The following CCNJL variants were observed in gnomAD, a reference collection of about 807,000 sequenced individuals.
CCNJL encodes cyclin-J-like protein.
Under a neutral mutation model 33.4 loss-of-function variants are expected in CCNJL, and 33 were observed. That is an observed-to-expected ratio of 0.99 (90% CI 0.75 to 1.32). The LOEUF (loss-of-function observed/expected upper bound fraction) is 1.32, where lower values mean the gene tolerates loss of function less well. Among genes scored for constraint, CCNJL ranks in the 40% most tolerant of loss-of-function variants. CCNJL has a pLI of 0.00. For synonymous variants in CCNJL, 227 were observed against 220.9 expected (o/e 1.03, Z -0.24); for missense variants, 512 against 499.7 (o/e 1.02, Z -0.23).
At chr5:160,317,642 G>A (rs187660691), upstream of CCNJL, among the ~76,000 whole-genome samples, 2 of 152,190 alleles carry the variant, frequency 1.3e-5, no homozygotes, top group Non-Finnish European at 2.9e-5. Flanking sequence ...GGCATGGGGT[G>A]GGGGGAGTAC....
At chr5:160,270,662 G>A (rs1761800104) in intron 3 of CCNJL, among the ~76,000 whole-genome samples, 2 of 152,186 alleles carry the variant, frequency 1.3e-5, no homozygotes, top group Non-Finnish European at 2.9e-5. Flanking sequence ...TCCACCCGCA[G>A]GTTCCGATTA....
chr5:160,312,107 C>G, intron 1 of CCNJL, 135 bp from the exon 2 acceptor site: 1 of 613,288 alleles, frequency 1.6e-6, no homozygotes, highest in Non-Finnish European at 2.9e-6. Context: ...AGCTGGAGGT[C>G]GCCTCTGGTC....
At chr5:160,329,501 C>A (rs1273099254) in intron 1 of CCNJL, among the ~76,000 whole-genome samples, 6 of 152,046 alleles carry the variant, frequency 3.9e-5, no homozygotes, top group African/African-American at 1.4e-4. Flanking sequence ...CAGGCGCCCA[C>A]CACCACGCCG....
chr5:160,271,931 G>A (rs1456729594), intron 3 of CCNJL, among the ~76,000 whole-genome samples: 1 of 152,216 alleles, frequency 6.6e-6, no homozygotes, highest in Non-Finnish European at 1.5e-5. Context: ...CTGCAAGGGC[G>A]CTGCCACGTT....
intron 2 of CCNJL, among the ~76,000 whole-genome samples, chr5:160,303,935 C>A (rs940951186): frequency 1.8e-5 from 2 of 110,662 alleles, no homozygotes; most frequent in African/African-American, 8.7e-5. Context: ...TCCTCCACTC[C>A]CTTAGCACAG....
chr5:160,322,922 T>TA (rs145043767), intron 1 of CCNJL, among the ~76,000 whole-genome samples: 98 of 128,248 alleles, frequency 7.6e-4, no homozygotes, highest in African/African-American at 1.2e-3. Flanking sequence ...CAAAAAAAAT[T>TA]AAAAAAAAAA....
At chr5:160,285,841 G>T (rs1762385034) in intron 2 of CCNJL, among the ~76,000 whole-genome samples, 1 of 152,234 alleles carries the variant, frequency 6.6e-6, no homozygotes, top group Admixed American at 6.5e-5. Context: ...GGCCTGGTCT[G>T]AGCAGCCTTG....
At chr5:160,276,073 A>C (rs1310246641) in intron 3 of CCNJL, among the ~76,000 whole-genome samples, 1 of 152,212 alleles carries the variant, frequency 6.6e-6, no homozygotes, top group Non-Finnish European at 1.5e-5. Context: ...ACACTGTGGG[A>C]TATACAATGG....
chr5:160,302,409 T>G (rs1168401865), intron 2 of CCNJL, among the ~76,000 whole-genome samples: 2 of 152,216 alleles, frequency 1.3e-5, no homozygotes, highest in African/African-American at 4.8e-5. Context: ...CAATATAAAT[T>G]TCCTGAGTGC....
At chr5:160,256,482 G>A (rs1761067832) in intron 4 of CCNJL, among the ~76,000 whole-genome samples, 1 of 152,210 alleles carries the variant, frequency 6.6e-6, no homozygotes, top group Non-Finnish European at 1.5e-5. Flanking sequence ...TGGCACTTAG[G>A]TTGACTGAGG....
chr5:160,250,935 AGGTGACAAGAT>A lies in CCNJL; in HGVS notation c.*2432_*2442del, dbSNP rs751652284. On this transcript the variant is annotated 3_prime_UTR_variant, in exon 6 of 6. Transcript: ENST00000257536. Reference sequence around the variant, plus strand: ...AAGGTGTTATCACTCCCATTTTAACAGGTGACAAGATGGAGGCTCAGAGAGAGGTTGGGTCA... The same window carrying A: ...AAGGTGTTATCACTCCCATTTTAACAGGAGGCTCAGAGAGAGGTTGGGTCA... 6.6e-6 allele frequency: 1 copy of A among 152,180 alleles called. No homozygotes were observed. Among genetic ancestry groups the A allele is most frequent in the Non-Finnish European group, 1.5e-5 (1 of 68,024 alleles). The allele number at this position is 152,180 out of a possible 1,614,324, so 9.4% of individuals were successfully genotyped here. A position where few individuals can be genotyped will look rare whatever the true frequency, so the allele number is the denominator to read the frequency against.
At chr5:160,286,253 A>G (rs1762402745) in intron 2 of CCNJL, among the ~76,000 whole-genome samples, 1 of 152,208 alleles carries the variant, frequency 6.6e-6, no homozygotes, top group Admixed American at 6.5e-5. Context: ...AAGAGAACTC[A>G]AGGCAACACA....
chr5:160,306,164 G>A (rs1463133917), intron 2 of CCNJL, among the ~76,000 whole-genome samples: 1 of 151,654 alleles, frequency 6.6e-6, no homozygotes, highest in Non-Finnish European at 1.5e-5. Flanking sequence ...CTAGCTACTC[G>A]GGAGGCTGAG....
intron 4 of CCNJL, chr5:160,258,646 T>C (rs1761180821): frequency 2.1e-6 from 2 of 973,878 alleles, no homozygotes; most frequent in Non-Finnish European, 1.7e-6. Context: ...CCTGAAACAA[T>C]CTTAAGAATT....
chr5:160,253,599 C>T lies in CCNJL; in HGVS notation c.943G>A (p.Ala315Thr). The T allele has an allele frequency of 6.2e-7, 1 of 1,613,732 alleles. No homozygotes were observed. Among genetic ancestry groups the T allele is most frequent in the Non-Finnish European group, 8.5e-7 (1 of 1,179,856 alleles). The change falls in exon 6 of 6, where the codon GCC becomes ACC. Residue 315 changes from alanine to threonine, a missense_variant. By Grantham distance (58) the Ala-to-Thr change is moderately conservative. Coordinates refer to ENST00000257536, the MANE Select transcript of CCNJL (RefSeq NM_001308173.3). ...LCLAYRDSLQ[A>T]HRSGSLLSGS... ...GAGAGCAGGCTCCCTGAACGGTGGG[C>T]CTGCAAGGAGTCCCGATAGGCCAAG...
intron 2 of CCNJL, among the ~76,000 whole-genome samples, chr5:160,282,989 A>ATATATATATG (rs1762280420): frequency 1.7e-5 from 1 of 58,718 alleles, no homozygotes; most frequent in Admixed American, 1.8e-4. Flanking sequence ...ATATATATAT[A>ATATATATATG]TATATATATA....
In CCNJL at chr5:160,259,859, T is replaced by C. The variant is rs1472530071; in HGVS notation, c.281-88A>G. ...CGGCCCACCTTACAGTGCCTGGACATTGCTGGCAAAGAAGACAGAAAGCAG... is the reference window on the plus strand; with the variant it reads ...CGGCCCACCTTACAGTGCCTGGACACTGCTGGCAAAGAAGACAGAAAGCAG... On this transcript the variant is annotated intron_variant, in intron 3 of 5. Coordinates refer to ENST00000257536, the MANE Select transcript of CCNJL (RefSeq NM_001308173.3). 4.6e-6 allele frequency: 5 copies of C among 1,092,626 alleles called. No homozygotes were observed. The African/African-American group carries it at 4.7e-5, about 10-fold the overall frequency. The allele number at this position is 1,092,626 out of a possible 1,614,324, so 67.7% of individuals were successfully genotyped here. A position where few individuals can be genotyped will look rare whatever the true frequency, so the allele number is the denominator to read the frequency against.
intron 4 of CCNJL, chr5:160,258,614 A>C (rs1403153274): frequency 2.4e-6 from 3 of 1,250,016 alleles, no homozygotes; most frequent in Non-Finnish European, 3.5e-6. Context: ...CTGTGGATGC[A>C]GCTGTTACGA....
At chr5:160,287,603 T>G (rs1490517338) in intron 2 of CCNJL, among the ~76,000 whole-genome samples, 1 of 152,218 alleles carries the variant, frequency 6.6e-6, no homozygotes, top group African/African-American at 2.4e-5. Context: ...ACTGCATTCC[T>G]CCCCAGGCAC....
Sources: allele counts gnomAD v4.1 joint callset (sites outside exome capture counted in the v4.1 genomes callset), GRCh38; gene constraint gnomAD v4.1.1; transcripts MANE v1.5; gene names NCBI Gene and HGNC (gene_info 2026-07-23, HGNC 2026-07-21).